CDH23: variants seen among roughly 807,000 people sequenced by gnomAD.
CDH23 encodes the protein cadherin related 23, also known as cadherin-23.
In CDH23, 189 loss-of-function variants were observed where a neutral mutation model predicts 317.1. The ratio of observed to expected loss-of-function variants is 0.60; its 90% confidence interval spans 0.53 to 0.67. The LOEUF (loss-of-function observed/expected upper bound fraction) is 0.67. Ranked by LOEUF, CDH23 falls within the 30% of genes least tolerant of loss-of-function variation. CDH23 has a pLI of 0.00. For synonymous variants in CDH23, 1,839 were observed against 1,876.8 expected (o/e 0.98, Z 0.52); for missense variants, 4,401 against 4,592.4 (o/e 0.96, Z 1.20).
At chr10:71,399,802 A>C (rs1847699732) in intron 1 of CDH23, among the ~76,000 whole-genome samples, 1 of 152,082 alleles carries the variant, frequency 6.6e-6, no homozygotes, top group African/African-American at 2.4e-5. Flanking sequence ...AAACCCCTGC[A>C]CATGGGCCAG....
intron 38 of CDH23, chr10:71,752,933 C>A (rs780199822): frequency 6.2e-7 from 1 of 1,606,872 alleles, no homozygotes; most frequent in South Asian, 1.1e-5. Context: ...CCTGGATAGC[C>A]GGCCCAGGAA....
rs185514292 is a variant in CDH23 at position 71,472,354 on chromosome 10, G to A, written c.145+25959G>A. 2.6e-5 allele frequency among the ~76,000 whole-genome samples: 4 copies of A among 152,230 alleles called. No homozygotes were observed. The East Asian group carries it at 7.7e-4, about 29-fold the overall frequency. ...CCCTCCCGCAAAGGGCTGGCAGTGT[G>A]GCTTTCTGCTGGGCCTCTGTCTGGG... is the stretch of plus-strand genomic sequence containing the variant. On this transcript the variant is annotated intron_variant, in intron 3 of 69. Coordinates refer to ENST00000224721, the MANE Select transcript of CDH23 (RefSeq NM_022124.6).
chr10:71,681,165 G>T (rs978901191), intron 17 of CDH23, among the ~76,000 whole-genome samples: 4 of 152,020 alleles, frequency 2.6e-5, no homozygotes, highest in African/African-American at 9.6e-5. Context: ...CCATGCTTCT[G>T]CCTGCCCCAT....
intron 40 of CDH23, 88 bp from the exon 41 acceptor site, chr10:71,779,179 A>T (rs1037694058): frequency 7.9e-7 from 1 of 1,263,928 alleles, no homozygotes; most frequent in Non-Finnish European, 1.1e-6. Flanking sequence ...AGGCAGAATT[A>T]TCAGGTCCAT....
chr10:71,801,340 G>T lies in CDH23; in HGVS notation c.7482+585G>T, dbSNP rs191878278. 1.4e-4 allele frequency among the ~76,000 whole-genome samples: 21 copies of T among 152,018 alleles called. No homozygotes were observed. In the East Asian group the frequency reaches 4.1e-3, roughly 29 times the overall value. On this transcript the variant is annotated intron_variant, in intron 53 of 69. Coordinates refer to ENST00000224721, the MANE Select transcript of CDH23 (RefSeq NM_022124.6). ...CGGCTAATTTTGTATTTTCAGTAGA[G>T]ACGGGGTTTCTCCATGTTGGTCGGG...
At chr10:71,720,648 GGT>G (rs1425509233) in intron 28 of CDH23, among the ~76,000 whole-genome samples, 2 of 152,178 alleles carry the variant, frequency 1.3e-5, no homozygotes, top group Non-Finnish European at 2.9e-5. Flanking sequence ...CCCAGTTTCT[GGT>G]TTTTAGCTGT....
intron 14 of CDH23, among the ~76,000 whole-genome samples, chr10:71,663,416 A>G (rs1386167261): frequency 1.3e-5 from 2 of 151,858 alleles, no homozygotes; most frequent in Non-Finnish European, 2.9e-5. Flanking sequence ...TCAAGGCCCC[A>G]CCTCTTCTTC....
intron 11 of CDH23, among the ~76,000 whole-genome samples, chr10:71,628,085 C>A (rs1230155467): frequency 6.6e-6 from 1 of 152,220 alleles, no homozygotes; most frequent in East Asian, 1.9e-4. Flanking sequence ...TTCCCCCTGT[C>A]TTGAACAAGG....
In CDH23 at chr10:71,804,951, T is replaced by C. The variant is rs1841666782; in HGVS notation, c.7873-855T>C. Among the ~76,000 whole-genome samples, 4 of 152,200 alleles carry C rather than the reference T, an allele frequency of 2.6e-5. No homozygotes were observed. The South Asian group carries it at 8.3e-4, about 31-fold the overall frequency. ...ACACTTTCCCTTCAAGGGCTTTGCA[T>C]TTGGAAAGATTTATGTCTCCTGAAC... On this transcript the variant is annotated intron_variant, in intron 55 of 69. Coordinates refer to ENST00000224721, the MANE Select transcript of CDH23 (RefSeq NM_022124.6).
chr10:71,589,699 C>T (rs540726496), intron 9 of CDH23, among the ~76,000 whole-genome samples: 12 of 152,310 alleles, frequency 7.9e-5, no homozygotes, highest in Admixed American at 2.0e-4. Context: ...GGTTGCCACC[C>T]GCAGGGTAGG....
At chr10:71,759,866 T>TATATACACACACACAC in intron 38 of CDH23, among the ~76,000 whole-genome samples, 1 of 83,454 alleles carries the variant, frequency 1.2e-5, no homozygotes, top group Non-Finnish European at 2.7e-5. Flanking sequence ...CACACACACA[T>TATATACACACACACAC]ATATATACAC....
intron 6 of CDH23, among the ~76,000 whole-genome samples, chr10:71,549,050 C>T (rs1458337453): frequency 6.6e-5 from 10 of 152,236 alleles, no homozygotes; most frequent in South Asian, 2.1e-4. Context: ...TGAGGCAGAG[C>T]GTAAGCAGGG....
At chr10:71,490,866 C>G (rs2132139548) in intron 3 of CDH23, among the ~76,000 whole-genome samples, 1 of 152,278 alleles carries the variant, frequency 6.6e-6, no homozygotes, top group South Asian at 2.1e-4. Flanking sequence ...TGTCCAAGGT[C>G]ACTCAGCTTG....
At chr10:71,794,079 G>A (rs897248925) in intron 48 of CDH23, among the ~76,000 whole-genome samples, 1 of 151,980 alleles carries the variant, frequency 6.6e-6, no homozygotes, top group African/African-American at 2.4e-5. Context: ...TCGGCTCACT[G>A]CAACCCCTGC....
At chr10:71,522,945 G>A (rs1033600029) in intron 6 of CDH23, among the ~76,000 whole-genome samples, 1 of 152,150 alleles carries the variant, frequency 6.6e-6, no homozygotes, top group Non-Finnish European at 1.5e-5. Context: ...ACCCAGAGAG[G>A]TTCAGTGACT....
chr10:71,403,381 TTCTTTCTTTCTTTCTTTCTTTC>T lies in CDH23; in HGVS notation c.-6+6065_-6+6086del, dbSNP rs1847898988. On this transcript the variant is annotated intron_variant, in intron 1 of 69. Transcript: ENST00000224721. ...TTTCTTTCTTTCTTTCTTTCTTTCT[TTCTTTCTTTCTTTCTTTCTTTC>T]TTTCTCTTCCTTCCTTCCTTCCTTC... 3.4e-5 allele frequency among the ~76,000 whole-genome samples: 4 copies of T among 119,156 alleles called. 1 individual carries two copies. In the South Asian group the frequency reaches 1.2e-3, roughly 35 times the overall value. The allele number at this position is 119,156 out of a possible 152,430, so 78.2% of individuals were successfully genotyped here.
chr10:71,612,747 G>A (rs1203768351), intron 9 of CDH23, among the ~76,000 whole-genome samples: 3 of 152,208 alleles, frequency 2.0e-5, no homozygotes, highest in African/African-American at 7.2e-5. Flanking sequence ...GAGCCTTAGG[G>A]GCTCAGAGGA....
intron 28 of CDH23, among the ~76,000 whole-genome samples, chr10:71,723,200 A>G (rs929862007): frequency 8.5e-5 from 13 of 152,232 alleles, no homozygotes; most frequent in African/African-American, 3.1e-4. Flanking sequence ...ACAGCATGTC[A>G]TAGGAGGGTC....
intron 34 of CDH23, among the ~76,000 whole-genome samples, chr10:71,738,045 G>A (rs1348358379): frequency 6.6e-6 from 1 of 152,142 alleles, no homozygotes; most frequent in Non-Finnish European, 1.5e-5. Flanking sequence ...GATGTGTTTT[G>A]GACAGCCCAC....
Sources: allele counts gnomAD v4.1 joint callset (sites outside exome capture counted in the v4.1 genomes callset), GRCh38; gene constraint gnomAD v4.1.1; transcripts MANE v1.5; gene names NCBI Gene and HGNC (gene_info 2026-07-23, HGNC 2026-07-21).